THRB: variants seen among roughly 807,000 people sequenced by gnomAD.
THRB encodes thyroid hormone receptor beta.
In THRB, 12 loss-of-function variants were observed where a neutral mutation model predicts 47.8. The ratio of observed to expected loss-of-function variants is 0.25; its 90% CI spans 0.16 to 0.41. The LOEUF (loss-of-function observed/expected upper bound fraction) is 0.41. THRB is among the 10% of genes least tolerant of loss of function. THRB has a pLI of 1.00. For synonymous variants in THRB, 218 were observed against 212.2 expected, an observed-to-expected ratio of 1.03 and a Z score of -0.24; for missense variants, 348 against 589.2, an observed-to-expected ratio of 0.59 and a Z score of 4.24.
intron 9 of THRB, among the ~76,000 whole-genome samples, chr3:24,130,452 G>A (rs969124801): frequency 6.6e-6 from 1 of 152,108 alleles, no homozygotes; most frequent in Admixed American, 6.5e-5. Flanking sequence ...CCATCTCAGG[G>A]GCTGGGGGGG....
intron 2 of THRB, among the ~76,000 whole-genome samples, chr3:24,314,143 T>C (rs1505297): frequency 0.57 from 86,464 of 152,056 alleles, 24,859 homozygotes; most frequent in East Asian, 0.64. Context: ...TAGATTTTTA[T>C]CTCCATTTCA....
chr3:24,189,943 A>G, intron 5 of THRB, 131 bp downstream of exon 5: 1 of 881,828 alleles, frequency 1.1e-6, no homozygotes, highest in East Asian at 2.4e-5. Flanking sequence ...GACGCCTAGT[A>G]AAAGAACAGT....
chr3:24,150,773 A>G lies in THRB; in HGVS notation c.384+1617T>C, dbSNP rs1400906849. Among the ~76,000 whole-genome samples the G allele has an allele frequency of 3.3e-5, 5 of 152,192 alleles. No individual in the cohort carries two copies. The East Asian group carries it at 9.6e-4, about 29-fold the overall frequency. On this transcript the variant is annotated intron_variant, in intron 6 of 10. Transcript: ENST00000646209. ...ATGGAATCAGGATCTCTCTCCCAGA[A>G]TTCGAAATTTCCCATTATGCGCCGA...
chr3:24,345,766 T>G (rs1467317214), intron 1 of THRB, among the ~76,000 whole-genome samples: 1 of 152,068 alleles, frequency 6.6e-6, no homozygotes, highest in Non-Finnish European at 1.5e-5. Flanking sequence ...TAAGTGCCCC[T>G]AGAGTTATGC....
At chr3:24,303,339 A>G (rs1228320189) in intron 2 of THRB, among the ~76,000 whole-genome samples, 1 of 152,190 alleles carries the variant, frequency 6.6e-6, no homozygotes, top group African/African-American at 2.4e-5. Flanking sequence ...ATGATGCCTG[A>G]AAAGTGCTTC....
chr3:24,386,345 C>T (rs1323114355), intron 1 of THRB, among the ~76,000 whole-genome samples: 5 of 152,062 alleles, frequency 3.3e-5, no homozygotes, highest in African/African-American at 1.2e-4. Flanking sequence ...TCCTCTCTGC[C>T]CAACCACCTC....
intron 5 of THRB, among the ~76,000 whole-genome samples, chr3:24,161,582 A>T (rs2038822298): frequency 6.7e-6 from 1 of 150,126 alleles, no homozygotes; most frequent in Non-Finnish European, 1.5e-5. Context: ...TCAAATGCCT[A>T]TGTAATTGTT....
intron 4 of THRB, among the ~76,000 whole-genome samples, chr3:24,217,713 G>T (rs1261994137): frequency 6.6e-6 from 1 of 152,144 alleles, no homozygotes; most frequent in Non-Finnish European, 1.5e-5. Context: ...TGATGTGATT[G>T]TATCATGCTA....
intron 4 of THRB, among the ~76,000 whole-genome samples, chr3:24,197,811 G>A (rs1295055709): frequency 2.6e-5 from 4 of 152,230 alleles, no homozygotes; most frequent in African/African-American, 9.6e-5. Context: ...AACAGATACT[G>A]TAGCATAGCC....
chr3:24,195,788 C>G (rs2043880770), intron 4 of THRB, among the ~76,000 whole-genome samples: 1 of 152,340 alleles, frequency 6.6e-6, no homozygotes, highest in Non-Finnish European at 1.5e-5. Context: ...TGCAGAAGCT[C>G]TTTCCTATGC....
At chr3:24,455,463 GA>G in intron 1 of THRB, 1 of 152,174 alleles carries the variant, frequency 6.6e-6, no homozygotes, top group Non-Finnish European at 1.5e-5. Flanking sequence ...AATAAGAAGT[GA>G]AAAAGTGATT....
chr3:24,256,934 C>A lies in THRB; in HGVS notation c.-42-27933G>T, dbSNP rs73148312. On this transcript the variant is annotated intron_variant, in intron 3 of 10. Transcript: ENST00000646209. Reference sequence around the variant, plus strand: ...CCATTTGAAGGTGGCCATCTGAATTCATAGTAGCACAAATTAGCTCTGTTC... The same window carrying A: ...CCATTTGAAGGTGGCCATCTGAATTAATAGTAGCACAAATTAGCTCTGTTC... Among the ~76,000 whole-genome samples the A allele has an allele frequency of 3.2e-3, 491 of 152,244 alleles. 1 individual carries two copies. The highest frequency in any genetic ancestry group is 0.011 in the African/African-American group (477 of 41,538).
chr3:24,337,001 G>A (rs1355174378), intron 2 of THRB, among the ~76,000 whole-genome samples: 1 of 152,136 alleles, frequency 6.6e-6, no homozygotes, highest in Non-Finnish European at 1.5e-5. Flanking sequence ...AGACACATGG[G>A]AAAGGATTGT....
At chr3:24,433,856 T>C (rs2070687694) in intron 1 of THRB, among the ~76,000 whole-genome samples, 1 of 152,178 alleles carries the variant, frequency 6.6e-6, no homozygotes, top group Non-Finnish European at 1.5e-5. Context: ...GAAAAGACCC[T>C]GGATGGGAGT....
intron 3 of THRB, among the ~76,000 whole-genome samples, chr3:24,269,975 A>G (rs929135769): frequency 3.3e-5 from 5 of 151,886 alleles, no homozygotes; most frequent in African/African-American, 9.7e-5. Context: ...TGCACCATCT[A>G]ATGTATTTGA....
intron 1 of THRB, among the ~76,000 whole-genome samples, chr3:24,371,148 G>C (rs1284470228): frequency 6.6e-6 from 1 of 152,086 alleles, no homozygotes; most frequent in Non-Finnish European, 1.5e-5. Context: ...GAGCAATAGA[G>C]TGGTTAGAAC....
intron 4 of THRB, among the ~76,000 whole-genome samples, chr3:24,227,199 G>C (rs1018443950): frequency 2.6e-5 from 4 of 152,182 alleles, no homozygotes; most frequent in African/African-American, 9.7e-5. Flanking sequence ...CTCTCACACT[G>C]TCCTCCTTTA....
At position 24,452,427 on chromosome 3, in the gene THRB, G is replaced by A. The variant is rs114225505; in HGVS notation, c.-261+42225C>T. Among the ~76,000 whole-genome samples, 694 of 152,080 alleles carry A rather than the reference G, an allele frequency of 4.6e-3. 4 individuals are homozygous for A. The highest frequency in any genetic ancestry group is 0.016 in the African/African-American group (663 of 41,458). On this transcript the variant is annotated intron_variant, in intron 1 of 10. Coordinates refer to ENST00000646209, the MANE Select transcript of THRB (RefSeq NM_001354712.2). ...TAAAAATGGGGGTAGATTTAAGCAGGCTGGTGGAGATGCTTACAGCAGGGT... is the reference window on the plus strand; with the variant it reads ...TAAAAATGGGGGTAGATTTAAGCAGACTGGTGGAGATGCTTACAGCAGGGT...
At chr3:24,143,425 G>A (rs912474861) in intron 8 of THRB, 76 bp downstream of exon 8, 29 of 1,405,702 alleles carry the variant, frequency 2.1e-5, no homozygotes, top group Non-Finnish European at 2.8e-5. Context: ...AGTATCCCAA[G>A]GTGATGAGGA....
Sources: allele counts gnomAD v4.1 joint callset (sites outside exome capture counted in the v4.1 genomes callset), GRCh38; gene constraint gnomAD v4.1.1; transcripts MANE v1.5; gene names NCBI Gene and HGNC (gene_info 2026-07-23, HGNC 2026-07-21).